GCN1: variants seen among roughly 807,000 people sequenced by gnomAD.
GCN1 encodes the protein GCN1 activator of EIF2AK4, also known as stalled ribosome sensor GCN1.
Under a neutral mutation model 288.4 loss-of-function variants are expected in GCN1, and 90 were observed. That is an observed-to-expected ratio of 0.31 (90% CI 0.26 to 0.37). GCN1 has a LOEUF of 0.37. Among genes scored for constraint, GCN1 ranks in the 10% least tolerant of loss-of-function variants. The pLI is 1.00. For missense variants in GCN1, 2,586 were observed against 3,419.9 expected, an observed-to-expected ratio of 0.76 and a Z score of 6.08; for synonymous variants, 1,386 against 1,420.2, an observed-to-expected ratio of 0.98 and a Z score of 0.54.
rs373518213 is a variant in GCN1, at chr12:120,177,756, G to A, written c.661-4C>T. 1.8e-5 allele frequency: 29 copies of A among 1,606,402 alleles called. No homozygotes were observed. The African/African-American group carries it at 3.3e-4, about 19-fold the overall frequency. On this transcript the variant is annotated splice_polypyrimidine_tract_variant and splice_region_variant and intron_variant, in intron 7 of 57. Coordinates refer to ENST00000300648, the MANE Select transcript of GCN1 (RefSeq NM_006836.2). Reference sequence around the variant, plus strand: ...TGTAAAAGTCCAGTAGGGCGCTCTAGAGAACACAAAGCTCTGGTTAGATCC... The same window carrying A: ...TGTAAAAGTCCAGTAGGGCGCTCTAAAGAACACAAAGCTCTGGTTAGATCC...
chr12:120,187,901 AC>A lies in GCN1; in HGVS notation c.121+2396del, dbSNP rs757434853. On this transcript the variant is annotated intron_variant, in intron 2 of 57. Coordinates refer to ENST00000300648, the MANE Select transcript of GCN1 (RefSeq NM_006836.2). ...CCAAAAGAAATGAAAAAAAAAAAAAACAAAAAACTAGAATTTATTGAGTGAA... is the reference window on the plus strand; with the variant it reads ...CCAAAAGAAATGAAAAAAAAAAAAAAAAAAAACTAGAATTTATTGAGTGAA... Among the ~76,000 whole-genome samples, 1,225 of 150,978 alleles carry A rather than the reference AC, an allele frequency of 8.1e-3. 23 individuals are homozygous for A. Among genetic ancestry groups the A allele is most frequent in the East Asian group, 0.04 (201 of 5,074 alleles).
rs541819091 is a variant in GCN1, at chr12:120,164,658, C to T, written c.1676G>A (p.Gly559Asp). Reference protein sequence around the residue: ...LFLDHPHRLTGNKVQQYHRAL... With the variant: ...LFLDHPHRLTDNKVQQYHRAL... ...CAGCCTCACGTACTGAACTTTGTTG[C>T]CAGTGAGTCTATGCGGGTGGTCAAG... is the stretch of plus-strand genomic sequence containing the variant. Residue 559 changes from glycine to aspartate, a missense_variant, in exon 17 of 58, where the codon GGC becomes GAC. Coordinates refer to ENST00000300648, the MANE Select transcript of GCN1 (RefSeq NM_006836.2). 3.1e-6 allele frequency: 5 copies of T among 1,613,204 alleles called. No homozygotes were observed. The African/African-American group carries it at 5.3e-5, about 17-fold the overall frequency.
chr12:120,165,662 C>A (rs58398700), intron 16 of GCN1, among the ~76,000 whole-genome samples: 227 of 150,710 alleles, frequency 1.5e-3, no homozygotes, highest in African/African-American at 5.4e-3. Context: ...TTAGTAGAGA[C>A]GAGGTTTCAC....
Position 120,147,369 on chromosome 12 carries a change from G to A in GCN1, c.4727-97C>T, listed in dbSNP as rs148748688. ...CTAGAATGGATCAGAAGAGAAGGGA[G>A]TCTGGCACACCTCCTCCCTGAAACC... is the stretch of plus-strand genomic sequence containing the variant. On this transcript the variant is annotated intron_variant, in intron 37 of 57. Transcript: ENST00000300648. 8.3e-4 allele frequency: 457 copies of A among 550,810 alleles called. 3 individuals are homozygous for A. The highest frequency in any genetic ancestry group is 7.7e-3 in the African/African-American group (412 of 53,196). The allele number at this position is 550,810 out of a possible 1,614,324, so 34.1% of individuals were successfully genotyped here. A position where few individuals can be genotyped will look rare whatever the true frequency, so the allele number is the denominator to read the frequency against.
chr12:120,165,165 G>A (rs1448305643), intron 16 of GCN1, among the ~76,000 whole-genome samples: 1 of 151,776 alleles, frequency 6.6e-6, no homozygotes, highest in African/African-American at 2.4e-5. Context: ...TCCTGCCTCG[G>A]CCTCTCGAGT....
In GCN1 at chr12:120,161,491, T is replaced by G; in HGVS notation, c.2435A>C (p.Glu812Ala). The change falls in exon 22 of 58, where the codon GAG (glutamate) becomes GCG (alanine). Residue 812 changes from glutamate to alanine, a missense_variant and splice_region_variant. Physicochemically the swap from Glu to Ala is moderately radical, Grantham distance 107. This residue lies in a region of GCN1 where 913 missense variants were observed against 1,107.0 expected (regional missense o/e 0.82). Coordinates refer to ENST00000300648, the MANE Select transcript of GCN1 (RefSeq NM_006836.2). ...KEQIIELELK[E>A]EIKKKKGIKE... Reference sequence around the variant, plus strand: ...CCGTAAGTGCCTCCGTGTACTCACCTCCTTCAGCTCCAGCTCGATGATCTG... The same window carrying G: ...CCGTAAGTGCCTCCGTGTACTCACCGCCTTCAGCTCCAGCTCGATGATCTG... 6.2e-7 allele frequency: 1 copy of G among 1,608,906 alleles called. No individual in the cohort carries two copies. The highest frequency in any genetic ancestry group is 8.5e-7 in the Non-Finnish European group (1 of 1,175,200).
At chr12:120,193,074 C>A (rs1340680947) in intron 1 of GCN1, among the ~76,000 whole-genome samples, 2 of 151,614 alleles carry the variant, frequency 1.3e-5, no homozygotes, top group African/African-American at 4.8e-5. Context: ...AATTTCAGGC[C>A]AGGTGCGGTG....
intron 22 of GCN1, 58 bp from the exon 23 acceptor site, chr12:120,160,313 A>C: frequency 8.3e-7 from 1 of 1,198,750 alleles, no homozygotes; most frequent in Non-Finnish European, 1.2e-6. Context: ...CTCCCTCCCC[A>C]ACAGAGGAAG....
intron 45 of GCN1, among the ~76,000 whole-genome samples, chr12:120,139,817 GA>G (rs1877132608): frequency 6.6e-6 from 1 of 152,132 alleles, no homozygotes; most frequent in South Asian, 2.1e-4. Flanking sequence ...TATTCTCTTG[GA>G]AAACTCCAAG....
intron 55 of GCN1, 22 bp downstream of exon 55, chr12:120,131,163 G>C: frequency 6.2e-7 from 1 of 1,611,818 alleles, no homozygotes; most frequent in Non-Finnish European, 8.5e-7. Context: ...TATGCCTATG[G>C]GATATGGCCC....
intron 15 of GCN1, among the ~76,000 whole-genome samples, chr12:120,169,597 G>A (rs1209040289): frequency 1.3e-5 from 2 of 152,026 alleles, no homozygotes; most frequent in Non-Finnish European, 2.9e-5. Context: ...TACGCCTCCT[G>A]GGTTCAAGCG....
intron 9 of GCN1, 40 bp from the exon 10 acceptor site, chr12:120,176,257 A>T: frequency 7.5e-7 from 1 of 1,327,192 alleles, no homozygotes; most frequent in South Asian, 1.2e-5. Context: ...CAGTCTAAGC[A>T]ATAAATTCAA....
intron 15 of GCN1, among the ~76,000 whole-genome samples, chr12:120,169,109 C>T (rs534251862): frequency 2.0e-5 from 3 of 152,170 alleles, no homozygotes; most frequent in South Asian, 4.1e-4. Flanking sequence ...TCCTGGCTAA[C>T]ACGATGAAAC....
intron 51 of GCN1, 97 bp downstream of exon 51, chr12:120,136,405 A>G (rs1365692734): frequency 3.4e-5 from 31 of 903,052 alleles, no homozygotes; most frequent in Non-Finnish European, 5.3e-5. Flanking sequence ...GGCTCTCCAC[A>G]ATAAATCTGT....
chr12:120,143,599 A>AAG, intron 42 of GCN1, among the ~76,000 whole-genome samples: 1 of 152,122 alleles, frequency 6.6e-6, no homozygotes, highest in African/African-American at 2.4e-5. Context: ...AAAAAAAAAA[A>AAG]AAAAAGACCA....
chr12:120,135,488 T>C (rs1207166890), intron 51 of GCN1, among the ~76,000 whole-genome samples: 1 of 151,826 alleles, frequency 6.6e-6, no homozygotes, highest in East Asian at 1.9e-4. Context: ...CTCAGCCTCC[T>C]GAGTAGCTGG....
In GCN1 at chr12:120,138,679, T is replaced by C; in HGVS notation, c.6156+16A>G. 4 of 1,610,088 alleles carry C rather than the reference T, an allele frequency of 2.5e-6. No individual in the cohort carries two copies. Among genetic ancestry groups the C allele is most frequent in the Non-Finnish European group, 3.4e-6 (4 of 1,176,840 alleles). On this transcript the variant is annotated intron_variant, in intron 46 of 57. Coordinates refer to ENST00000300648, the MANE Select transcript of GCN1 (RefSeq NM_006836.2). ...AAAGCCAAACTGGTAGGTAGGTGTG[T>C]GGTAGATCCACTCACCAGCTGCTTT...
Position 120,155,633 on chromosome 12 carries a change from G to T in GCN1, c.3399C>A (p.Val1133=). 6.2e-7 allele frequency: 1 copy of T among 1,614,014 alleles called. No homozygotes were observed. Among genetic ancestry groups the T allele is most frequent in the South Asian group, 1.1e-5 (1 of 91,056 alleles). ...GGATCTCCTCCTCCTTGTCAAACTT[G>T]ACCACCCAGAGTCTCCGCAGAAGGT... ...GLNLLRRLWV[V]KFDKEEEIRK... is the part of the protein sequence containing the mutation. Residue 1133 remains valine (V), a synonymous_variant, in exon 29 of 58, where the codon GTC becomes GTA. Coordinates refer to ENST00000300648, the MANE Select transcript of GCN1 (RefSeq NM_006836.2). The surrounding 1 kb of genome is among the most constrained non-coding windows in gnomAD (Gnocchi z 4.9).
chr12:120,151,043 A>T, intron 34 of GCN1, 102 bp downstream of exon 34: 1 of 1,319,414 alleles, frequency 7.6e-7, no homozygotes, highest in Non-Finnish European at 1.1e-6. Context: ...GTACACGCAC[A>T]AGCAACGGCC....
Sources: allele counts gnomAD v4.1 joint callset (sites outside exome capture counted in the v4.1 genomes callset), GRCh38; gene constraint gnomAD v4.1.1; regional missense constraint gnomAD v4.1.1; non-coding constraint Gnocchi (gnomAD v3.1); transcripts MANE v1.5; gene names NCBI Gene and HGNC (gene_info 2026-07-23, HGNC 2026-07-21).